Variants in VPS53 observed in about 807,000 individuals in gnomAD.
VPS53 encodes VPS53 subunit of GARP complex.
Under a neutral mutation model 107.0 loss-of-function variants are expected in VPS53, and 70 were observed. The observed-to-expected ratio is 0.65, with a 90% CI of 0.54 to 0.80. The LOEUF is 0.80. VPS53 is among the 30% of genes least tolerant of loss of function. The pLI is 0.00. For missense variants in VPS53, 917 were observed against 1,049.4 expected (o/e 0.87, Z 1.74); for synonymous variants, 409 against 393.3 (o/e 1.04, Z -0.47).
chr17:680,937 G>A (rs562459723), intron 4 of VPS53, among the ~76,000 whole-genome samples: 1 of 152,120 alleles, frequency 6.6e-6, no homozygotes, highest in Admixed American at 6.5e-5. Context: ...TTATTGAAAG[G>A]GTTTATGTAG....
intron 15 of VPS53, among the ~76,000 whole-genome samples, chr17:553,962 G>C (rs1030690925): frequency 2.0e-5 from 3 of 152,162 alleles, no homozygotes; most frequent in African/African-American, 7.2e-5. Flanking sequence ...GATAGAAGTG[G>C]TAGGGCCAGG....
At chr17:614,489 T>C (rs1430741272) in intron 11 of VPS53, among the ~76,000 whole-genome samples, 1 of 152,226 alleles carries the variant, frequency 6.6e-6, no homozygotes, top group Admixed American at 6.5e-5. Flanking sequence ...TAATCGTCCC[T>C]TGCAATATTA....
chr17:692,825 A>G (rs1972822739), intron 4 of VPS53, among the ~76,000 whole-genome samples: 1 of 151,000 alleles, frequency 6.6e-6, no homozygotes, highest in Non-Finnish European at 1.5e-5. Context: ...ACATGGTGAA[A>G]CCCTGTCTCT....
rs56828882 is a variant in VPS53, at chr17:509,890, T to C, written c.*9238A>G. 0.1 allele frequency: 14,469 copies of C among 144,996 alleles called. 2,358 individuals are homozygous for C. The highest frequency in any genetic ancestry group is 0.37 in the African/African-American group (10,751 of 29,436). The allele number at this position is 144,996 out of a possible 1,614,324, so 9.0% of individuals were successfully genotyped here. A position where few individuals can be genotyped will look rare whatever the true frequency, so the allele number is the denominator to read the frequency against. Reference sequence around the variant, plus strand: ...CTGGCTCCACCCCTCACCAGTCACATATCAAATCCTGGCTCGCCCCTCACC... The same window carrying C: ...CTGGCTCCACCCCTCACCAGTCACACATCAAATCCTGGCTCGCCCCTCACC... On this transcript the variant is annotated 3_prime_UTR_variant, in exon 22 of 22. Transcript: ENST00000437048.
intron 17 of VPS53, 154 bp from the exon 18 acceptor site, chr17:537,330 G>A (rs1224901155): frequency 2.5e-6 from 2 of 816,192 alleles, no homozygotes; most frequent in African/African-American, 3.5e-5. Context: ...TATTCGTTCT[G>A]TAGGGACTGA....
intron 7 of VPS53, among the ~76,000 whole-genome samples, chr17:643,564 CTTGGAAACCGAGGACAACACTCAT>C (rs1970545462): frequency 6.8e-6 from 1 of 146,326 alleles, no homozygotes; most frequent in Non-Finnish European, 1.5e-5. Context: ...AACACTCATA[CTTGGAAACCGAGGACAACACTCAT>C]ACTTGGCAAC....
rs967195323 is a variant in VPS53, at chr17:701,902, A to T, written c.169-2522T>A. Among the ~76,000 whole-genome samples, 4 of 151,882 alleles carry T rather than the reference A, an allele frequency of 2.6e-5. No individual in the cohort carries two copies. In the East Asian group the frequency reaches 7.8e-4, roughly 29 times the overall value. ...TGCACTGAGCCTGGCTAATTTTATTATTTTGTTATAAACACAGGGTCTTGC... is the reference window on the plus strand; with the variant it reads ...TGCACTGAGCCTGGCTAATTTTATTTTTTTGTTATAAACACAGGGTCTTGC... On this transcript the variant is annotated intron_variant, in intron 2 of 21. Transcript: ENST00000437048.
chr17:676,736 A>G (rs1348694510), intron 4 of VPS53, among the ~76,000 whole-genome samples: 3 of 152,086 alleles, frequency 2.0e-5, no homozygotes, highest in Non-Finnish European at 4.4e-5. Flanking sequence ...TCCTAAAACT[A>G]TTTTCAATAA....
intron 1 of VPS53, among the ~76,000 whole-genome samples, chr17:711,817 ATTTT>A (rs11375713): frequency 3.5e-5 from 5 of 142,506 alleles, no homozygotes; most frequent in African/African-American, 1.0e-4. Flanking sequence ...TTCATGGGCA[ATTTT>A]TTTTTTTTTT....
At position 513,404 on chromosome 17, in the gene VPS53, C is replaced by G. The variant is rs1268319959; in HGVS notation, c.*5724G>C. 1 of 152,202 alleles carries G rather than the reference C, an allele frequency of 6.6e-6. No homozygotes were observed. The highest frequency in any genetic ancestry group is 1.5e-5 in the Non-Finnish European group (1 of 68,038). 9.4% of individuals were successfully genotyped at this position (152,202 alleles called of 1,614,324 possible). On this transcript the variant is annotated 3_prime_UTR_variant, in exon 22 of 22. Coordinates refer to ENST00000437048, the MANE Select transcript of VPS53 (RefSeq NM_001128159.3). The stretch of plus-strand genomic sequence containing the variant: ...GTCCAAGAGGCTATTCTGATGAATA[C>G]TAAAACAGGACTGGGAATTTTTATT...
At chr17:620,516 T>C (rs1291925322) in intron 11 of VPS53, among the ~76,000 whole-genome samples, 1 of 152,142 alleles carries the variant, frequency 6.6e-6, no homozygotes, top group Non-Finnish European at 1.5e-5. Context: ...TCTTACACAT[T>C]AGCTCCGTGG....
At chr17:686,901 C>T (rs947634430) in intron 4 of VPS53, among the ~76,000 whole-genome samples, 1 of 152,086 alleles carries the variant, frequency 6.6e-6, no homozygotes, top group Non-Finnish European at 1.5e-5. Context: ...AATCCCAGCA[C>T]TTTAGGAGGC....
chr17:566,493 G>C (rs1440614837), intron 13 of VPS53, among the ~76,000 whole-genome samples: 1 of 152,196 alleles, frequency 6.6e-6, no homozygotes, highest in Admixed American at 6.5e-5. Flanking sequence ...AATGAGTGGA[G>C]TGAAGCTTCA....
intron 19 of VPS53, among the ~76,000 whole-genome samples, chr17:522,507 A>G (rs1908832933): frequency 1.3e-5 from 2 of 152,264 alleles, no homozygotes; most frequent in Admixed American, 1.3e-4. Context: ...GTGGTTGTGT[A>G]AACTTTAAGA....
intron 12 of VPS53, among the ~76,000 whole-genome samples, chr17:593,476 GC>G (rs1567657968): frequency 6.6e-6 from 1 of 151,908 alleles, no homozygotes; most frequent in Non-Finnish European, 1.5e-5. Flanking sequence ...AAAACAAACA[GC>G]CCCATCAAAA....
chr17:650,653 C>A (rs1970907317), intron 7 of VPS53, among the ~76,000 whole-genome samples: 1 of 152,208 alleles, frequency 6.6e-6, no homozygotes, highest in Non-Finnish European at 1.5e-5. Flanking sequence ...ACAGATCGTA[C>A]TACAAGTATA....
intron 12 of VPS53, among the ~76,000 whole-genome samples, chr17:588,996 T>A (rs570867199): frequency 1.3e-5 from 2 of 152,258 alleles, no homozygotes; most frequent in South Asian, 4.1e-4. Flanking sequence ...GGACTAGATA[T>A]CATGGATTCA....
At chr17:550,910 T>C (rs1011394092) in intron 17 of VPS53, among the ~76,000 whole-genome samples, 1 of 152,024 alleles carries the variant, frequency 6.6e-6, no homozygotes, top group Non-Finnish European at 1.5e-5. Context: ...TACTCTTACA[T>C]TGGCACCAGA....
rs779475186 is a variant in VPS53, at chr17:519,865, G to C, written c.2289C>G (p.Asp763Glu). 3.2e-6 allele frequency: 5 copies of C among 1,551,582 alleles called. No individual in the cohort carries two copies. The African/African-American group carries it at 6.8e-5, about 21-fold the overall frequency. Residue 763 changes from aspartate to glutamate, a missense_variant, in exon 21 of 22, where the codon GAC becomes GAG. Asp to Glu is a conservative substitution (Grantham distance 45). Coordinates refer to ENST00000437048, the MANE Select transcript of VPS53 (RefSeq NM_001128159.3). The surrounding 1 kb of genome is among the most constrained non-coding windows in gnomAD (Gnocchi z 5.0). ...TCTTCTGAAAGGTTTCTGTGTTGCA[G>C]TCTGTGAGAAGTTTGATGTAGTTGT... Reference protein sequence around the residue: ...FVDNYIKLLTDCNTETFQKIL... With the variant: ...FVDNYIKLLTECNTETFQKIL...
Sources: gnomAD v4.1 joint callset for allele counts (sites outside exome capture counted in the v4.1 genomes callset) on GRCh38, gnomAD v4.1.1 for gene constraint, Gnocchi (gnomAD v3.1) non-coding constraint, MANE v1.5 for transcripts, NCBI Gene and HGNC (gene_info 2026-07-23, HGNC 2026-07-21) for gene names.